The following LYZL1 variants were observed in gnomAD, a reference collection of about 807,000 sequenced individuals.
LYZL1 encodes the protein lysozyme-like protein 1.
In LYZL1, 16 loss-of-function variants were observed where a neutral mutation model predicts 17.9. That is an observed-to-expected ratio of 0.90 (90% CI 0.61 to 1.36). LYZL1 has a LOEUF of 1.36. LYZL1 is among the 40% of genes most tolerant of loss of function. The pLI is 0.00. For synonymous variants in LYZL1, 58 were observed against 71.8 expected (o/e 0.81, Z 0.97); for missense variants, 149 against 188.4 (o/e 0.79, Z 1.22).
chr10:29,292,770 T>C lies in LYZL1; in HGVS notation c.298+93T>C. ...AACCATGTCTTGCTTTAACTAAAAT[T>C]TGGAGTTCAGGCTTGCAAATAGGTC... On this transcript the variant is annotated intron_variant, in intron 3 of 4. Transcript: ENST00000649382. The C allele has an allele frequency of 3.9e-6, 6 of 1,525,218 alleles. No homozygotes were observed. The South Asian group carries it at 7.9e-5, about 20-fold the overall frequency. The allele number at this position is 1,525,218 out of a possible 1,614,324, so 94.5% of individuals were successfully genotyped here.
chr10:29,301,351 T>C (rs1835515967), intron 3 of LYZL1, among the ~76,000 whole-genome samples: 1 of 152,102 alleles, frequency 6.6e-6, no homozygotes. Context: ...GTCTCAGGTA[T>C]GTCTTTATCA....
downstream of LYZL1, among the ~76,000 whole-genome samples, chr10:29,315,522 AAAAT>A (rs953300940): frequency 2.0e-3 from 309 of 151,856 alleles, no homozygotes; most frequent in African/African-American, 6.9e-3. Flanking sequence ...AAAATAAATA[AAAAT>A]AAATAAATAA....
chr10:29,310,623 C>A (rs191734198), intron 4 of LYZL1, among the ~76,000 whole-genome samples: 1 of 152,224 alleles, frequency 6.6e-6, no homozygotes, highest in Non-Finnish European at 1.5e-5. Flanking sequence ...TGTGTCATGG[C>A]GACTCAGCAG....
chr10:29,308,129 T>C lies in LYZL1; in HGVS notation c.299-1981T>C, dbSNP rs570465443. Among the ~76,000 whole-genome samples the C allele has an allele frequency of 5.3e-5, 8 of 152,340 alleles. No individual in the cohort carries two copies. In the East Asian group the frequency reaches 1.5e-3, roughly 29 times the overall value. On this transcript the variant is annotated intron_variant, in intron 3 of 4. Transcript: ENST00000649382. ...TTGGTGGTTGTGGTGGTCATGGAGA[T>C]GGGCCTCCCAGATCCCCTGCTAAGG...
At chr10:29,293,973 C>CAA (rs112559520) in intron 3 of LYZL1, among the ~76,000 whole-genome samples, 1 of 123,982 alleles carries the variant, frequency 8.1e-6, no homozygotes, top group Non-Finnish European at 1.7e-5. Context: ...GACTCTGTCT[C>CAA]AAAAAAAAAA....
chr10:29,311,574 G>A (rs1377247915), downstream of LYZL1, among the ~76,000 whole-genome samples: 1 of 152,158 alleles, frequency 6.6e-6, no homozygotes, highest in East Asian at 1.9e-4. Flanking sequence ...GAGAGATAGG[G>A]CAACTGAGAT....
chr10:29,307,840 G>A (rs1191334315), intron 3 of LYZL1, among the ~76,000 whole-genome samples: 1 of 152,070 alleles, frequency 6.6e-6, no homozygotes, highest in Non-Finnish European at 1.5e-5. Flanking sequence ...GGATAGATCT[G>A]GAGAGATAAA....
intron 3 of LYZL1, among the ~76,000 whole-genome samples, chr10:29,297,724 G>T (rs1048898196): frequency 1.4e-4 from 21 of 152,152 alleles, no homozygotes; most frequent in African/African-American, 4.8e-4. Context: ...GAAATCTACT[G>T]GGAGTCTTGG....
chr10:29,308,368 A>G (rs1341387560), intron 3 of LYZL1, among the ~76,000 whole-genome samples: 1 of 151,974 alleles, frequency 6.6e-6, no homozygotes, highest in African/African-American at 2.4e-5. Flanking sequence ...CTGCCCAATG[A>G]ATTGCTGGGT....
chr10:29,316,772 A>G (rs1443432014), intron 3 of LYZL1, among the ~76,000 whole-genome samples: 1 of 143,638 alleles, frequency 7.0e-6, no homozygotes, highest in African/African-American at 2.6e-5. Context: ...GCTAGAGTGC[A>G]GTGGCGTGAT....
At chr10:29,310,736 T>C (rs1835659903) in intron 4 of LYZL1, among the ~76,000 whole-genome samples, 1 of 152,212 alleles carries the variant, frequency 6.6e-6, no homozygotes, top group Admixed American at 6.5e-5. Context: ...TTTTCACAGA[T>C]GTGGGTGTGA....
At chr10:29,304,569 G>T (rs868707029) in intron 3 of LYZL1, among the ~76,000 whole-genome samples, 1 of 152,150 alleles carries the variant, frequency 6.6e-6, no homozygotes, top group Non-Finnish European at 1.5e-5. Flanking sequence ...TCTGTTGGAT[G>T]TGGAAGAATA....
At chr10:29,315,213 G>T (rs1835715224), downstream of LYZL1, among the ~76,000 whole-genome samples, 1 of 151,966 alleles carries the variant, frequency 6.6e-6, no homozygotes, top group Admixed American at 6.6e-5. Flanking sequence ...ATATTTTTTT[G>T]ATTTAAAAAA....
chr10:29,310,915 CT>C, intron 4 of LYZL1, 74 bp from the exon 5 acceptor site: 1 of 1,611,872 alleles, frequency 6.2e-7, no homozygotes, highest in Non-Finnish European at 8.5e-7. Context: ...TGGTTAATTT[CT>C]GTAGGCTTTG....
chr10:29,311,864 G>T (rs1301316283), downstream of LYZL1, among the ~76,000 whole-genome samples: 1 of 152,076 alleles, frequency 6.6e-6, no homozygotes, highest in Non-Finnish European at 1.5e-5. Context: ...TGTAATGCCA[G>T]CTACTCGGGA....
chr10:29,296,391 G>A (rs564474606), intron 3 of LYZL1, among the ~76,000 whole-genome samples: 1 of 152,270 alleles, frequency 6.6e-6, no homozygotes, highest in South Asian at 2.1e-4. Flanking sequence ...AGTAGCATTA[G>A]CTACTTCTGG....
Position 29,292,636 on chromosome 10 carries a change from GA to G in LYZL1, c.260del (p.Lys87SerfsTer2). ...QINSFAWCRRGKLKENNHCHV... is the reference protein window; with the variant it reads ...QINSFAWCRRXKLKENNHCHV... ...AACAGCTTCGCGTGGTGCAGACGCG[GA>G]AAGCTGAAGGAGAACAACCACTGCC... On this transcript the variant is annotated frameshift_variant, in exon 3 of 5. Coordinates refer to ENST00000649382, the MANE Select transcript of LYZL1 (RefSeq NM_032517.6). LOFTEE classifies it high-confidence loss of function. The G allele has an allele frequency of 6.2e-7, 1 of 1,614,216 alleles. No homozygotes were observed. Among genetic ancestry groups the G allele is most frequent in the Non-Finnish European group, 8.5e-7 (1 of 1,180,028 alleles).
At position 29,307,593 on chromosome 10, in the gene LYZL1, T is replaced by C. The variant is rs529601800; in HGVS notation, c.299-2517T>C. Among the ~76,000 whole-genome samples the C allele has an allele frequency of 4.2e-4, 64 of 152,358 alleles. No individual in the cohort carries two copies. The South Asian group carries it at 7.0e-3, about 17-fold the overall frequency. ...TAGCCAATACAGCTCTCAATGGATATTTTTATGATATTGGGAACTTAACAT... is the reference window on the plus strand; with the variant it reads ...TAGCCAATACAGCTCTCAATGGATACTTTTATGATATTGGGAACTTAACAT... On this transcript the variant is annotated intron_variant, in intron 3 of 4. Transcript: ENST00000649382.
chr10:29,310,799 A>G (rs1266080435), intron 4 of LYZL1, among the ~76,000 whole-genome samples, 191 bp from the exon 5 acceptor site: 2 of 152,252 alleles, frequency 1.3e-5, no homozygotes, highest in Non-Finnish European at 2.9e-5. Flanking sequence ...GAAGCTAACA[A>G]TGGCTAGGAG....
Sources: gnomAD v4.1 joint callset for allele counts (sites outside exome capture counted in the v4.1 genomes callset) on GRCh38, gnomAD v4.1.1 for gene constraint, MANE v1.5 for transcripts, NCBI Gene and HGNC (gene_info 2026-07-23, HGNC 2026-07-21) for gene names.